Variants in RBFOX1 observed in about 807,000 individuals in gnomAD.
RBFOX1 encodes RNA binding fox-1 homolog 1.
Under a neutral mutation model 57.7 loss-of-function variants are expected in RBFOX1, and 8 were observed. The observed-to-expected ratio is 0.14, with a 90% CI of 0.08 to 0.25. RBFOX1 has a LOEUF of 0.25. Ranked by LOEUF, RBFOX1 falls within the 10% of genes least tolerant of loss-of-function variation. The probability of loss-of-function intolerance (pLI) is 1.00; values close to 1 mark genes in which losing one functional copy is unlikely to be tolerated. For missense variants in RBFOX1, 611 were observed against 548.5 expected (o/e 1.11, Z -1.14); for synonymous variants, 326 against 222.4 (o/e 1.47, Z -4.15).
chr16:5,567,970 C>T (rs2046132892), intron 2 of RBFOX1, among the ~76,000 whole-genome samples: 2 of 152,194 alleles, frequency 1.3e-5, no homozygotes, highest in African/African-American at 2.4e-5. Context: ...GGGATTAGAA[C>T]TCAGTGTCCT....
chr16:6,281,803 A>G (rs536715656), intron 1 of RBFOX1, among the ~76,000 whole-genome samples: 1 of 152,282 alleles, frequency 6.6e-6, no homozygotes, highest in South Asian at 2.1e-4. Flanking sequence ...GCCTCCAAGG[A>G]AAGTGAAGAT....
At chr16:6,837,087 A>G (rs1256152720) in intron 3 of RBFOX1, among the ~76,000 whole-genome samples, 1 of 152,218 alleles carries the variant, frequency 6.6e-6, no homozygotes, top group Non-Finnish European at 1.5e-5. Flanking sequence ...ATATTGGTTA[A>G]CAATAGCCAG....
chr16:5,986,959 A>G (rs1181096381), intron 4 of RBFOX1, among the ~76,000 whole-genome samples: 1 of 152,240 alleles, frequency 6.6e-6, no homozygotes. Flanking sequence ...ACTGTTTCCT[A>G]GAGTGGCTAA....
chr16:5,763,107 A>C (rs964426602), intron 3 of RBFOX1, among the ~76,000 whole-genome samples: 3 of 152,334 alleles, frequency 2.0e-5, no homozygotes, highest in Admixed American at 2.0e-4. Flanking sequence ...AAATCAAGAC[A>C]AGAAAGTAGA....
intron 4 of RBFOX1, among the ~76,000 whole-genome samples, chr16:7,382,637 A>G (rs1388833420): frequency 6.6e-6 from 1 of 152,228 alleles, no homozygotes; most frequent in East Asian, 1.9e-4. Flanking sequence ...AGTGTTTTTC[A>G]TAGTTAAAAG....
chr16:7,257,066 G>T (rs2094718032), intron 4 of RBFOX1, among the ~76,000 whole-genome samples: 1 of 152,042 alleles, frequency 6.6e-6, no homozygotes, highest in Non-Finnish European at 1.5e-5. Context: ...TTCATTTCCC[G>T]TGTGTGTCTA....
intron 4 of RBFOX1, among the ~76,000 whole-genome samples, chr16:5,891,600 C>G (rs1358066928): frequency 6.6e-6 from 1 of 152,160 alleles, no homozygotes; most frequent in Non-Finnish European, 1.5e-5. Context: ...GGGGTTCCTT[C>G]TAGTCTACAG....
At chr16:7,172,714 T>C (rs1241318817) in intron 4 of RBFOX1, among the ~76,000 whole-genome samples, 1 of 152,046 alleles carries the variant, frequency 6.6e-6, no homozygotes, top group Non-Finnish European at 1.5e-5. Context: ...TGACACACAA[T>C]GATGAGTTCA....
At chr16:6,675,688 G>T (rs2057515728) in intron 3 of RBFOX1, among the ~76,000 whole-genome samples, 1 of 152,174 alleles carries the variant, frequency 6.6e-6, no homozygotes, top group Admixed American at 6.6e-5. Flanking sequence ...TGTGTTACAT[G>T]GCGGCAGGCA....
intron 3 of RBFOX1, among the ~76,000 whole-genome samples, chr16:6,674,452 G>C (rs2154114419): frequency 6.6e-6 from 1 of 152,124 alleles, no homozygotes; most frequent in East Asian, 1.9e-4. Context: ...CTCCTGAGTA[G>C]CTGGGATTAT....
intron 4 of RBFOX1, among the ~76,000 whole-genome samples, chr16:7,070,146 T>G (rs1178210818): frequency 1.3e-5 from 2 of 152,188 alleles, no homozygotes; most frequent in Non-Finnish European, 2.9e-5. Flanking sequence ...TCATGGTGCA[T>G]TTCCCAAAAG....
intron 1 of RBFOX1, among the ~76,000 whole-genome samples, chr16:6,186,241 C>G (rs1332549317): frequency 6.6e-6 from 1 of 152,064 alleles, no homozygotes; most frequent in Non-Finnish European, 1.5e-5. Flanking sequence ...CATTTATAGA[C>G]TGATTCATGA....
intron 4 of RBFOX1, among the ~76,000 whole-genome samples, chr16:7,269,034 C>G (rs530560285): frequency 7.1e-5 from 8 of 112,632 alleles, no homozygotes; most frequent in African/African-American, 2.8e-4. Flanking sequence ...GAGACTCCAT[C>G]TTCCATCTCA....
At chr16:6,247,385 T>C (rs1161960542) in intron 1 of RBFOX1, among the ~76,000 whole-genome samples, 1 of 152,156 alleles carries the variant, frequency 6.6e-6, no homozygotes, top group Non-Finnish European at 1.5e-5. Flanking sequence ...TTGGACCCTA[T>C]TACATCAACC....
intron 3 of RBFOX1, among the ~76,000 whole-genome samples, chr16:7,029,332 C>G (rs1052812123): frequency 6.2e-5 from 9 of 145,964 alleles, no homozygotes; most frequent in African/African-American, 2.3e-4. Flanking sequence ...TCAAGAAGAG[C>G]CAGAAGAGAT....
intron 2 of RBFOX1, among the ~76,000 whole-genome samples, chr16:6,486,033 T>C (rs1187049175): frequency 1.4e-5 from 2 of 147,444 alleles, no homozygotes; most frequent in African/African-American, 2.5e-5. Context: ...TTTTTTCCTC[T>C]CTCTACTAGG....
chr16:6,926,673 T>C (rs943697551), intron 3 of RBFOX1, among the ~76,000 whole-genome samples: 2 of 152,122 alleles, frequency 1.3e-5, no homozygotes, highest in African/African-American at 4.8e-5. Flanking sequence ...CATATGTGCA[T>C]GGTTAAGGTA....
At chr16:7,010,697 G>A (rs908518884) in intron 3 of RBFOX1, among the ~76,000 whole-genome samples, 34 of 152,084 alleles carry the variant, frequency 2.2e-4, no homozygotes, top group African/African-American at 7.5e-4. Flanking sequence ...CCAAGTAGCT[G>A]GGATTACACT....
intron 3 of RBFOX1, among the ~76,000 whole-genome samples, chr16:6,941,307 C>T (rs761457452): frequency 9.2e-5 from 4 of 43,470 alleles, no homozygotes; most frequent in African/African-American, 2.7e-4. Context: ...TCCCTCCTTC[C>T]TTCCTTCCTT....
Sources: allele counts gnomAD v4.1 joint callset (sites outside exome capture counted in the v4.1 genomes callset), GRCh38; gene constraint gnomAD v4.1.1; transcripts MANE v1.5; gene names NCBI Gene and HGNC (gene_info 2026-07-23, HGNC 2026-07-21).